The following PTPRT variants were observed in gnomAD, a reference collection of about 807,000 sequenced individuals.
PTPRT encodes the protein protein tyrosine phosphatase receptor type T.
Under a neutral mutation model 176.8 loss-of-function variants are expected in PTPRT, and 56 were observed. That is an observed-to-expected ratio of 0.32 (90% CI 0.26 to 0.40). The LOEUF (loss-of-function observed/expected upper bound fraction) is 0.40. PTPRT is among the 10% of genes least tolerant of loss of function. The probability of loss-of-function intolerance (pLI) is 1.00; values close to 1 mark genes in which losing one functional copy is unlikely to be tolerated. For synonymous variants in PTPRT, 783 were observed against 739.0 expected, an observed-to-expected ratio of 1.06 and a Z score of -0.96; for missense variants, 1,540 against 1,908.2, an observed-to-expected ratio of 0.81 and a Z score of 3.60.
At chr20:42,716,857 T>C (rs953239704) in intron 6 of PTPRT, among the ~76,000 whole-genome samples, 2 of 152,012 alleles carry the variant, frequency 1.3e-5, no homozygotes, top group Admixed American at 1.3e-4. Context: ...TATGCAGCCA[T>C]AAAAAATGAT....
intron 1 of PTPRT, among the ~76,000 whole-genome samples, chr20:43,103,550 C>T (rs555838411): frequency 6.6e-6 from 1 of 150,754 alleles, no homozygotes; most frequent in East Asian, 1.9e-4. Flanking sequence ...CCACTTTGGA[C>T]CCTCTATTCT....
intron 13 of PTPRT, among the ~76,000 whole-genome samples, chr20:42,251,092 G>A (rs2056544306): frequency 6.6e-6 from 1 of 152,234 alleles, no homozygotes; most frequent in Admixed American, 6.5e-5. Context: ...AATGTAGCAA[G>A]CATAAAGGAA....
At chr20:42,717,299 TA>T (rs545177576) in intron 6 of PTPRT, among the ~76,000 whole-genome samples, 157 of 151,746 alleles carry the variant, frequency 1.0e-3, no homozygotes, top group African/African-American at 3.7e-3. Context: ...AAAATAATGA[TA>T]AAAAATAGAT....
chr20:43,027,570 G>T (rs1034352270), intron 1 of PTPRT, among the ~76,000 whole-genome samples: 2 of 152,090 alleles, frequency 1.3e-5, no homozygotes, highest in African/African-American at 4.8e-5. Flanking sequence ...AGACAGCAGG[G>T]ACGTGTGGCA....
chr20:42,739,799 T>A (rs2076581715), intron 6 of PTPRT, among the ~76,000 whole-genome samples: 1 of 152,164 alleles, frequency 6.6e-6, no homozygotes, highest in South Asian at 2.1e-4. Context: ...AACCTACCAA[T>A]CAGCCCTAAC....
In PTPRT at chr20:42,393,557, C is replaced by A. The variant is rs114251678; in HGVS notation, c.1561-41272G>T. ...TTCCCTCCCATTTCAGACGATCTTC[C>A]ATACACCATTTCTCAATAACACACA... On this transcript the variant is annotated intron_variant, in intron 9 of 30. Transcript: ENST00000373187. Among the ~76,000 whole-genome samples, 1,137 of 152,272 alleles carry A rather than the reference C, an allele frequency of 7.5e-3. 21 individuals carry two copies. The highest frequency in any genetic ancestry group is 0.026 in the African/African-American group (1,100 of 41,544).
intron 6 of PTPRT, among the ~76,000 whole-genome samples, chr20:42,722,452 T>G (rs2076318395): frequency 6.6e-6 from 1 of 152,174 alleles, no homozygotes; most frequent in Non-Finnish European, 1.5e-5. Context: ...TGACATTGGA[T>G]GGAAGCTCCA....
intron 1 of PTPRT, among the ~76,000 whole-genome samples, chr20:42,998,921 A>G (rs764261456): frequency 2.0e-5 from 3 of 152,208 alleles, no homozygotes; most frequent in East Asian, 1.9e-4. Flanking sequence ...TTCTGTCTAC[A>G]TAAGTGTGTA....
At chr20:42,433,278 T>C (rs1258699488) in intron 9 of PTPRT, among the ~76,000 whole-genome samples, 1 of 152,036 alleles carries the variant, frequency 6.6e-6, no homozygotes, top group Admixed American at 6.6e-5. Flanking sequence ...AACTGCAACA[T>C]GCTTATACTG....
intron 12 of PTPRT, among the ~76,000 whole-genome samples, chr20:42,287,526 A>C (rs2057250298): frequency 6.6e-6 from 1 of 151,724 alleles, no homozygotes; most frequent in African/African-American, 2.4e-5. Flanking sequence ...AAACTAAAAT[A>C]AGTTGATCTC....
intron 16 of PTPRT, among the ~76,000 whole-genome samples, chr20:42,183,288 A>T (rs773207395): frequency 4.6e-5 from 7 of 152,158 alleles, no homozygotes; most frequent in African/African-American, 9.7e-5. Context: ...TAAGTGCAAC[A>T]TAAGGAAGGG....
chr20:43,039,919 T>G (rs1986536965), intron 1 of PTPRT, among the ~76,000 whole-genome samples: 1 of 151,986 alleles, frequency 6.6e-6, no homozygotes, highest in Non-Finnish European at 1.5e-5. Flanking sequence ...CATGCGCCTG[T>G]AGACCCAGCT....
At chr20:42,941,602 C>T (rs937353070) in intron 1 of PTPRT, among the ~76,000 whole-genome samples, 2 of 152,130 alleles carry the variant, frequency 1.3e-5, no homozygotes, top group Non-Finnish European at 2.9e-5. Flanking sequence ...GGCTTCTTAA[C>T]CTGACTCCAC....
At chr20:42,613,064 A>G (rs955989661) in intron 7 of PTPRT, among the ~76,000 whole-genome samples, 3 of 152,172 alleles carry the variant, frequency 2.0e-5, no homozygotes, top group Non-Finnish European at 2.9e-5. Context: ...ATTTTCATGT[A>G]TTTTCCACAT....
chr20:42,573,085 A>G (rs1306466689), intron 7 of PTPRT, among the ~76,000 whole-genome samples: 1 of 152,150 alleles, frequency 6.6e-6, no homozygotes, highest in Non-Finnish European at 1.5e-5. Flanking sequence ...ATATTTGTCA[A>G]ATTACAGAAT....
chr20:42,522,663 T>C lies in PTPRT; in HGVS notation c.1154-50101A>G, dbSNP rs147126924. 7.2e-5 allele frequency among the ~76,000 whole-genome samples: 11 copies of C among 152,292 alleles called. No individual in the cohort carries two copies. The East Asian group carries it at 2.1e-3, about 29-fold the overall frequency. ...TTTTTGTAGAGATGGGGTTTCACCA[T>C]GTTGGTCAGTCTGGTCTCAAACCCT... is the stretch of plus-strand genomic sequence containing the variant. On this transcript the variant is annotated intron_variant, in intron 7 of 30. Coordinates refer to ENST00000373187, the MANE Select transcript of PTPRT (RefSeq NM_007050.6).
intron 9 of PTPRT, among the ~76,000 whole-genome samples, chr20:42,414,753 T>G (rs1436292732): frequency 1.3e-5 from 2 of 152,188 alleles, no homozygotes; most frequent in Non-Finnish European, 2.9e-5. Flanking sequence ...CTCAGAAATA[T>G]GAAAGATTTT....
intron 7 of PTPRT, among the ~76,000 whole-genome samples, chr20:42,494,487 A>G (rs934708159): frequency 2.0e-5 from 3 of 152,124 alleles, no homozygotes; most frequent in Admixed American, 1.3e-4. Context: ...ATCAATGACT[A>G]ACTCTCAGTT....
intron 6 of PTPRT, among the ~76,000 whole-genome samples, chr20:42,707,166 GTT>G (rs985277597): frequency 6.6e-6 from 1 of 152,074 alleles, no homozygotes; most frequent in Admixed American, 6.6e-5. Context: ...TCTGTGTGTT[GTT>G]TTTTTGTTTG....
Sources: allele counts gnomAD v4.1 joint callset (sites outside exome capture counted in the v4.1 genomes callset), GRCh38; gene constraint gnomAD v4.1.1; transcripts MANE v1.5; gene names NCBI Gene and HGNC (gene_info 2026-07-23, HGNC 2026-07-21).